The following ST18 variants were observed in gnomAD, a reference collection of about 807,000 sequenced individuals.
ST18 encodes the protein ST18 C2H2C-type zinc finger transcription factor.
Under a neutral mutation model 110.0 loss-of-function variants are expected in ST18, and 50 were observed. That is an observed-to-expected ratio of 0.45 (90% confidence interval 0.36 to 0.58). The LOEUF is 0.58. ST18 is among the 20% of genes least tolerant of loss of function. The pLI, the probability that ST18 is intolerant of heterozygous loss-of-function variation, is 0.00. For synonymous variants in ST18, 461 were observed against 452.4 expected, an observed-to-expected ratio of 1.02 and a Z score of -0.24; for missense variants, 1,306 against 1,280.1, an observed-to-expected ratio of 1.02 and a Z score of -0.31.
intron 2 of ST18, among the ~76,000 whole-genome samples, chr8:52,319,261 C>T (rs571875076): frequency 1.3e-4 from 20 of 152,104 alleles, no homozygotes; most frequent in Admixed American, 7.2e-4. Context: ...CATTTGCTTT[C>T]GCTCAATACA....
At chr8:52,382,984 T>C (rs1030244835) in intron 2 of ST18, among the ~76,000 whole-genome samples, 1 of 152,104 alleles carries the variant, frequency 6.6e-6, no homozygotes, top group Admixed American at 6.5e-5. Context: ...CGCTTTCCAG[T>C]AAACCTTTCT....
At chr8:52,141,103 C>T (rs2054850689) in intron 17 of ST18, among the ~76,000 whole-genome samples, 1 of 152,200 alleles carries the variant, frequency 6.6e-6, no homozygotes, top group Admixed American at 6.5e-5. Flanking sequence ...AACCACCAAG[C>T]CTCAGGTGGA....
intron 2 of ST18, among the ~76,000 whole-genome samples, chr8:52,362,636 A>G (rs1442485971): frequency 6.6e-6 from 1 of 152,230 alleles, no homozygotes; most frequent in Non-Finnish European, 1.5e-5. Flanking sequence ...CATTTTCCCC[A>G]TAGAATTCTG....
intron 17 of ST18, among the ~76,000 whole-genome samples, chr8:52,141,843 G>A (rs2055225145): frequency 6.6e-6 from 1 of 152,202 alleles, no homozygotes; most frequent in African/African-American, 2.4e-5. Context: ...GTGGGCATCT[G>A]GAGGTCACAG....
At position 52,205,766 on chromosome 8, in the gene ST18, C is replaced by T. The variant is rs2079781895; in HGVS notation, c.86+6313G>A. On this transcript the variant is annotated intron_variant, in intron 8 of 25. Transcript: ENST00000689386. ...TATTTTTAGTAGAGAAAGGGTTTCACCATGTTGGCCAAGCTGGTCTCAAAC... is the reference window on the plus strand; with the variant it reads ...TATTTTTAGTAGAGAAAGGGTTTCATCATGTTGGCCAAGCTGGTCTCAAAC... Among the ~76,000 whole-genome samples the T allele has an allele frequency of 3.3e-5, 5 of 152,116 alleles. No individual in the cohort carries two copies. The South Asian group carries it at 1.0e-3, about 32-fold the overall frequency.
intron 2 of ST18, among the ~76,000 whole-genome samples, chr8:52,350,031 C>G (rs908950437): frequency 6.6e-6 from 1 of 152,112 alleles, no homozygotes; most frequent in East Asian, 1.9e-4. Flanking sequence ...TTCCACACCC[C>G]GCAGGACCTC....
chr8:52,368,793 A>G (rs1260195676), intron 2 of ST18, among the ~76,000 whole-genome samples: 1 of 152,258 alleles, frequency 6.6e-6, no homozygotes, highest in Non-Finnish European at 1.5e-5. Context: ...ACACTGATCG[A>G]TGAAAGAGTA....
At chr8:52,189,458 G>A (rs1192886478) in intron 8 of ST18, among the ~76,000 whole-genome samples, 1 of 152,156 alleles carries the variant, frequency 6.6e-6, no homozygotes, top group Admixed American at 6.5e-5. Flanking sequence ...GGACATTCTA[G>A]GATAGATACC....
intron 8 of ST18, among the ~76,000 whole-genome samples, chr8:52,203,523 T>C (rs910221207): frequency 6.6e-6 from 1 of 152,170 alleles, no homozygotes; most frequent in Non-Finnish European, 1.5e-5. Flanking sequence ...TTGTCAACAT[T>C]ATGGGACACA....
Position 52,368,487 on chromosome 8 carries a change from A to G in ST18, c.-465+40841T>C, listed in dbSNP as rs2069161. ...ATCAATAGCAAATGGAGATCTAAAA[A>G]GAGAGAATATATTAGTTAGGGTAGG... On this transcript the variant is annotated intron_variant, in intron 2 of 25. Coordinates refer to ENST00000689386, the MANE Select transcript of ST18 (RefSeq NM_001352837.2). 6.1e-3 allele frequency among the ~76,000 whole-genome samples: 923 copies of G among 152,362 alleles called. 5 individuals carry two copies. The highest frequency in any genetic ancestry group is 0.021 in the African/African-American group (873 of 41,576).
chr8:52,165,005 A>T, intron 12 of ST18, 130 bp downstream of exon 12: 1 of 787,520 alleles, frequency 1.3e-6, no homozygotes, highest in South Asian at 1.7e-5. Context: ...TTTCTTCTCT[A>T]TTTCAAGTGT....
At chr8:52,222,446 A>G (rs1363076476) in intron 3 of ST18, among the ~76,000 whole-genome samples, 2 of 152,162 alleles carry the variant, frequency 1.3e-5, no homozygotes, top group Admixed American at 1.3e-4. Context: ...CCCTAACCCC[A>G]TCTGCCGTGG....
intron 25 of ST18, 40 bp downstream of exon 25, chr8:52,116,235 T>C: frequency 6.3e-7 from 1 of 1,598,056 alleles, no homozygotes; most frequent in Non-Finnish European, 8.5e-7. Flanking sequence ...ACACTGCAAA[T>C]GCTTGTAATG....
At chr8:52,313,828 C>A (rs1266522630) in intron 2 of ST18, among the ~76,000 whole-genome samples, 1 of 152,184 alleles carries the variant, frequency 6.6e-6, no homozygotes, top group African/African-American at 2.4e-5. Flanking sequence ...TGGTTCCTCC[C>A]ACAAGCTCAG....
chr8:52,374,353 A>T (rs1355091209), intron 2 of ST18, among the ~76,000 whole-genome samples: 1 of 152,010 alleles, frequency 6.6e-6, no homozygotes, highest in African/African-American at 2.4e-5. Flanking sequence ...AAGCCGGGGA[A>T]CACAGAGGAG....
Position 52,171,945 on chromosome 8 carries a change from G to T in ST18, c.916C>A (p.Leu306Met). The T allele has an allele frequency of 6.2e-7, 1 of 1,614,142 alleles. No homozygotes were observed. Among genetic ancestry groups the T allele is most frequent in the Non-Finnish European group, 8.5e-7 (1 of 1,180,020 alleles). The change falls in exon 10 of 26, where the codon CTG becomes ATG. Residue 306 changes from leucine (L) to methionine (M), a missense_variant. Physicochemically the swap from Leu to Met is conservative, Grantham distance 15. Transcript: ENST00000689386. Reference sequence around the variant, plus strand: ...GCCTGCAGAGCAATTGCCTGCTCCAGCAAACTTAAATTCCCCTTGGCCTTT... The same window carrying T: ...GCCTGCAGAGCAATTGCCTGCTCCATCAAACTTAAATTCCCCTTGGCCTTT... ...LEKAKGNLSL[L>M]EQAIALQAER...
chr8:52,192,193 A>C, intron 8 of ST18, among the ~76,000 whole-genome samples: 1 of 152,190 alleles, frequency 6.6e-6, no homozygotes, highest in East Asian at 1.9e-4. Context: ...CCTCCAAAAG[A>C]AATCAATGCT....
intron 22 of ST18, among the ~76,000 whole-genome samples, chr8:52,130,181 G>C (rs1054996138): frequency 7.2e-6 from 1 of 138,194 alleles, no homozygotes; most frequent in East Asian, 2.2e-4. Flanking sequence ...AAAGAAAATA[G>C]TACCTTGGCA....
Position 52,112,202 on chromosome 8 carries a change from G to C in ST18, c.*996C>G, listed in dbSNP as rs1454161872. 1 of 152,478 alleles carries C rather than the reference G, an allele frequency of 6.6e-6. No individual in the cohort carries two copies. The highest frequency in any genetic ancestry group is 1.9e-4 in the East Asian group (1 of 5,180). The allele number at this position is 152,478 out of a possible 1,614,324, so 9.4% of individuals were successfully genotyped here. A position where few individuals can be genotyped will look rare whatever the true frequency, so the allele number is the denominator to read the frequency against. On this transcript the variant is annotated 3_prime_UTR_variant, in exon 26 of 26. Transcript: ENST00000689386. Reference sequence around the variant, plus strand: ...CAGTAAGATAAATGCTATTTCAGGGGATATGGTATCTACAAAATTTTTCAT... The same window carrying C: ...CAGTAAGATAAATGCTATTTCAGGGCATATGGTATCTACAAAATTTTTCAT...
Sources: allele counts gnomAD v4.1 joint callset (sites outside exome capture counted in the v4.1 genomes callset), GRCh38; gene constraint gnomAD v4.1.1; transcripts MANE v1.5; gene names NCBI Gene and HGNC (gene_info 2026-07-23, HGNC 2026-07-21).